The following XRN1 variants were observed in gnomAD, a reference collection of about 807,000 sequenced individuals.
XRN1 encodes strand-exchange protein 1 homolog.
In XRN1, 67 loss-of-function variants were observed where a neutral mutation model predicts 222.3. The ratio of observed to expected loss-of-function variants is 0.30; its 90% CI spans 0.25 to 0.37. XRN1 has a LOEUF of 0.37. Among genes scored for constraint, XRN1 ranks in the 10% least tolerant of loss-of-function variants. The probability of loss-of-function intolerance (pLI) is 1.00; values close to 1 mark genes in which losing one functional copy is unlikely to be tolerated. For synonymous variants in XRN1, 643 were observed against 652.4 expected (o/e 0.99, Z 0.22); for missense variants, 1,707 against 2,000.2 (o/e 0.85, Z 2.80).
chr3:142,434,508 C>A (rs1457783834), intron 1 of XRN1, among the ~76,000 whole-genome samples: 3 of 143,934 alleles, frequency 2.1e-5, no homozygotes, highest in Non-Finnish European at 3.1e-5. Flanking sequence ...TTTTTTTTTA[C>A]ACTTTTTTTT....
At chr3:142,391,753 T>C (rs57914209) in intron 20 of XRN1, among the ~76,000 whole-genome samples, 1 of 93,040 alleles carries the variant, frequency 1.1e-5, no homozygotes, top group Admixed American at 1.4e-4. Context: ...AAAAAAAATA[T>C]ATATATATAT....
chr3:142,355,535 G>A (rs546180481), intron 31 of XRN1, 39 bp from the exon 32 acceptor site: 2 of 1,263,228 alleles, frequency 1.6e-6, no homozygotes, highest in East Asian at 2.4e-5. Flanking sequence ...AAATGAAATA[G>A]GAAGAAATAA....
In XRN1 at chr3:142,318,825, T is replaced by C. The variant is rs138417688; in HGVS notation, c.4483A>G (p.Lys1495Glu). The part of the protein sequence containing the change: ...GPQCHSENEA[K>E]EKAALFALQQ... ...AAAGCAAAAAGTGCAGCTTTCTCTTTGGCTTCATTTTCAGAGTGGCACTGT... is the reference window on the plus strand; with the variant it reads ...AAAGCAAAAAGTGCAGCTTTCTCTTCGGCTTCATTTTCAGAGTGGCACTGT... The change falls in exon 38 of 41, where the codon AAA becomes GAA. Residue 1495 changes from lysine to glutamate, a missense_variant. Lys to Glu is a moderately conservative substitution (Grantham distance 56, BLOSUM62 1). This residue lies in a region of XRN1 where 473 missense variants were observed against 482.0 expected (regional missense o/e 0.98). Coordinates refer to ENST00000392981, the MANE Select transcript of XRN1 (RefSeq NM_001282857.2). 130 of 1,613,898 alleles carry C rather than the reference T, an allele frequency of 8.1e-5. No homozygotes were observed. The highest frequency in any genetic ancestry group is 2.5e-4 in the South Asian group (23 of 91,076).
At position 142,310,126 on chromosome 3, in the gene XRN1, T is replaced by C. The variant is rs2065046486; in HGVS notation, c.*1385A>G. 1 of 152,620 alleles carries C rather than the reference T, an allele frequency of 6.6e-6. No homozygotes were observed. The highest frequency in any genetic ancestry group is 1.5e-5 in the Non-Finnish European group (1 of 68,030). 9.5% of individuals were successfully genotyped at this position (152,620 alleles called of 1,614,324 possible). A position where few individuals can be genotyped will look rare whatever the true frequency, so the allele number is the denominator to read the frequency against. On this transcript the variant is annotated 3_prime_UTR_variant, in exon 41 of 41. Coordinates refer to ENST00000392981, the MANE Select transcript of XRN1 (RefSeq NM_001282857.2). The stretch of plus-strand genomic sequence containing the variant: ...TTTAAACTCTGAAATCAGCAGTTAG[T>C]GAAAGGAGTCCATTTAGTTTAATAC...
At position 142,375,865 on chromosome 3, in the gene XRN1, T is replaced by C. The variant is rs766678070; in HGVS notation, c.2911A>G (p.Lys971Glu). The change falls in exon 25 of 41, where the codon AAG becomes GAG. Residue 971 changes from lysine (K) to glutamate (E), a missense_variant. Transcript: ENST00000392981. ...TACATCCATTCACTTCCAACTTTCT[T>C]AGTATATCCAGGTACCTCCTCATTT... ...KKNEEVPGYT[K>E]KVGSEWMYSS... The C allele has an allele frequency of 6.2e-7, 1 of 1,613,982 alleles. No individual in the cohort carries two copies. The highest frequency in any genetic ancestry group is 8.5e-7 in the Non-Finnish European group (1 of 1,179,958).
At chr3:142,427,160 T>G (rs779445161) in intron 2 of XRN1, among the ~76,000 whole-genome samples, 1 of 151,932 alleles carries the variant, frequency 6.6e-6, no homozygotes, top group African/African-American at 2.4e-5. Flanking sequence ...CAAGATCCCA[T>G]CTCTACAAAA....
intron 2 of XRN1, among the ~76,000 whole-genome samples, chr3:142,431,867 ATATTATATTATATATAT>A (rs1176827731): frequency 2.3e-4 from 8 of 35,176 alleles, no homozygotes; most frequent in African/African-American, 5.8e-4. Flanking sequence ...TATATATAAT[ATATTATATTATATATAT>A]TATATATAAT....
chr3:142,355,212 A>G, intron 32 of XRN1, 189 bp downstream of exon 32: 1 of 332,144 alleles, frequency 3.0e-6, no homozygotes, highest in Non-Finnish European at 5.4e-6. Context: ...AAACCTGTAC[A>G]TGTATCTCCT....
rs539064807 is a variant in XRN1, at chr3:142,434,464, C to T, written c.76-1571G>A. On this transcript the variant is annotated intron_variant, in intron 1 of 40. Coordinates refer to ENST00000392981, the MANE Select transcript of XRN1 (RefSeq NM_001282857.2). The stretch of plus-strand genomic sequence containing the variant: ...GAATTACTACAGGTGTGAGCCACTG[C>T]GCCTGGCCTCAGCATCAACGACTTG... 2.4e-4 allele frequency among the ~76,000 whole-genome samples: 36 copies of T among 150,898 alleles called. No homozygotes were observed. The South Asian group carries it at 3.8e-3, about 16-fold the overall frequency.
intron 32 of XRN1, among the ~76,000 whole-genome samples, chr3:142,347,691 G>A (rs533007165): frequency 1.3e-5 from 2 of 151,724 alleles, no homozygotes; most frequent in South Asian, 2.1e-4. Context: ...TCTGCCTCCC[G>A]GGTTCATGTG....
At chr3:142,396,223 CTT>C (rs1400731088) in intron 20 of XRN1, among the ~76,000 whole-genome samples, 1 of 152,110 alleles carries the variant, frequency 6.6e-6, no homozygotes, top group Non-Finnish European at 1.5e-5. Context: ...TGACTAAACA[CTT>C]TACCCGAAGT....
chr3:142,429,605 G>C (rs2069433149), intron 2 of XRN1: 2 of 152,214 alleles, frequency 1.3e-5, no homozygotes, highest in African/African-American at 4.8e-5. Context: ...GAAAAATGTA[G>C]TGCTCAATAC....
In XRN1 at chr3:142,371,344, A is replaced by C. The variant is rs1368180290; in HGVS notation, c.2979-16T>G. Reference sequence around the variant, plus strand: ...TTCTGGAGCTCTGGTCAAACAAACAAAAATATTGTCTTAAAATATATATGG... The same window carrying C: ...TTCTGGAGCTCTGGTCAAACAAACACAAATATTGTCTTAAAATATATATGG... On this transcript the variant is annotated splice_polypyrimidine_tract_variant and intron_variant, in intron 25 of 40. Coordinates refer to ENST00000392981, the MANE Select transcript of XRN1 (RefSeq NM_001282857.2). 3.8e-6 allele frequency: 6 copies of C among 1,574,748 alleles called. No homozygotes were observed. In the African/African-American group the frequency reaches 6.8e-5, roughly 18 times the overall value.
chr3:142,384,689 A>C lies in XRN1; in HGVS notation c.2340-4T>G. 6.3e-7 allele frequency: 1 copy of C among 1,578,860 alleles called. No individual in the cohort carries two copies. The highest frequency in any genetic ancestry group is 8.6e-7 in the Non-Finnish European group (1 of 1,163,228). On this transcript the variant is annotated splice_region_variant and splice_polypyrimidine_tract_variant and intron_variant, in intron 20 of 40. Transcript: ENST00000392981. ...TATTCCTTTTCTTCTCAGGTAGCTA[A>C]AATAAAGAATAAACATGAAATATAC... is the stretch of plus-strand genomic sequence containing the variant.
chr3:142,371,234 CT>C lies in XRN1; in HGVS notation c.3068+4del, dbSNP rs2066983616. ...GAGGTAATAAATATCATAAATCTTGCTTACCCATTCTCATTTTCTCCAGGCC... is the reference window on the plus strand; with the variant it reads ...GAGGTAATAAATATCATAAATCTTGCTACCCATTCTCATTTTCTCCAGGCC... On this transcript the variant is annotated splice_donor_region_variant and intron_variant, in intron 26 of 40. Coordinates refer to ENST00000392981, the MANE Select transcript of XRN1 (RefSeq NM_001282857.2). 1 of 1,609,522 alleles carries C rather than the reference CT, an allele frequency of 6.2e-7. No homozygotes were observed. Among genetic ancestry groups the C allele is most frequent in the Non-Finnish European group, 8.5e-7 (1 of 1,177,044 alleles).
intron 30 of XRN1, among the ~76,000 whole-genome samples, chr3:142,357,838 C>A (rs529614061): frequency 3.3e-5 from 5 of 152,092 alleles, no homozygotes; most frequent in Non-Finnish European, 5.9e-5. Flanking sequence ...AAGTTCAAGA[C>A]CAGCCTGGCA....
At chr3:142,408,171 G>A (rs1225516325) in intron 15 of XRN1, among the ~76,000 whole-genome samples, 2 of 152,144 alleles carry the variant, frequency 1.3e-5, no homozygotes, top group African/African-American at 4.8e-5. Context: ...ACACCCATAG[G>A]GGTAGCTGCA....
At chr3:142,359,760 C>T (rs2066565899) in intron 30 of XRN1, 102 bp downstream of exon 30, 2 of 837,210 alleles carry the variant, frequency 2.4e-6, no homozygotes, top group Non-Finnish European at 3.7e-6. Context: ...GTACGTCTTA[C>T]ACATCCCACA....
chr3:142,362,889 C>A (rs2066691606), intron 29 of XRN1, among the ~76,000 whole-genome samples: 1 of 151,402 alleles, frequency 6.6e-6, no homozygotes, highest in African/African-American at 2.4e-5. Context: ...TCCCACCTCA[C>A]CCTCCTGATT....
Sources: gnomAD v4.1 joint callset for allele counts (sites outside exome capture counted in the v4.1 genomes callset) on GRCh38, gnomAD v4.1.1 for gene constraint, gnomAD v4.1.1 regional missense constraint, MANE v1.5 for transcripts, NCBI Gene and HGNC (gene_info 2026-07-23, HGNC 2026-07-21) for gene names.